The following CCDC146 variants were observed in gnomAD, a reference collection of about 807,000 sequenced individuals.
The protein encoded by CCDC146 is coiled-coil domain containing 146.
In CCDC146, 92 loss-of-function variants were observed where a neutral mutation model predicts 119.3. The ratio of observed to expected loss-of-function variants is 0.77; its 90% confidence interval spans 0.65 to 0.92. The LOEUF (loss-of-function observed/expected upper bound fraction) is 0.92, where lower values mean the gene tolerates loss of function less well. Among genes scored for constraint, CCDC146 ranks in the 40% least tolerant of loss-of-function variants. The probability of loss-of-function intolerance (pLI) is 0.00; values close to 1 mark genes in which losing one functional copy is unlikely to be tolerated. For synonymous variants in CCDC146, 372 were observed against 371.8 expected, an observed-to-expected ratio of 1.00 and a Z score of -0.01; for missense variants, 1,000 against 1,103.0, an observed-to-expected ratio of 0.91 and a Z score of 1.32.
chr7:77,134,075 C>T (rs1790826543), intron 1 of CCDC146, among the ~76,000 whole-genome samples: 1 of 152,100 alleles, frequency 6.6e-6, no homozygotes, highest in Admixed American at 6.5e-5. Flanking sequence ...AGTTGGCGCT[C>T]TTTACTGGGG....
intron 2 of CCDC146, among the ~76,000 whole-genome samples, chr7:77,187,366 A>G (rs945766614): frequency 2.0e-5 from 3 of 152,212 alleles, no homozygotes; most frequent in Non-Finnish European, 4.4e-5. Context: ...ATTATGTCAC[A>G]TTTAGCACAA....
intron 1 of CCDC146, among the ~76,000 whole-genome samples, chr7:77,164,420 C>T (rs1791311778): frequency 6.6e-6 from 1 of 151,980 alleles, no homozygotes; most frequent in Non-Finnish European, 1.5e-5. Context: ...AAAAAAAACA[C>T]TTTAGGGCAT....
intron 11 of CCDC146, among the ~76,000 whole-genome samples, chr7:77,275,054 A>G (rs1395228592): frequency 8.7e-6 from 1 of 115,562 alleles, no homozygotes; most frequent in Non-Finnish European, 1.7e-5. Flanking sequence ...TAAAAAAAGA[A>G]CTGGAAGGAA....
chr7:77,227,007 A>C (rs1252746533), intron 2 of CCDC146, among the ~76,000 whole-genome samples: 1 of 152,172 alleles, frequency 6.6e-6, no homozygotes, highest in Non-Finnish European at 1.5e-5. Context: ...TCCACAGTTT[A>C]GTTTTTTTAA....
intron 18 of CCDC146, 114 bp downstream of exon 18, chr7:77,293,314 T>A: frequency 9.2e-7 from 1 of 1,084,372 alleles, no homozygotes; most frequent in Non-Finnish European, 1.3e-6. Flanking sequence ...CCACACACAG[T>A]CCCAACAGTC....
chr7:77,157,697 C>T (rs1791197661), intron 1 of CCDC146, among the ~76,000 whole-genome samples: 1 of 152,216 alleles, frequency 6.6e-6, no homozygotes, highest in Admixed American at 6.5e-5. Context: ...TGCCTTGCCT[C>T]CTTCCAGTGG....
At chr7:77,189,198 AC>A (rs1791719659) in intron 2 of CCDC146, among the ~76,000 whole-genome samples, 1 of 151,980 alleles carries the variant, frequency 6.6e-6, no homozygotes, top group Non-Finnish European at 1.5e-5. Flanking sequence ...CACTCCTCAC[AC>A]ACTTTGCAGA....
chr7:77,125,170 G>A (rs1237557977), intron 1 of CCDC146, among the ~76,000 whole-genome samples: 1 of 151,726 alleles, frequency 6.6e-6, no homozygotes, highest in Non-Finnish European at 1.5e-5. Context: ...CTCCAGCCTG[G>A]GCGGCAAGAG....
At chr7:77,183,344 C>T (rs565120929) in intron 2 of CCDC146, among the ~76,000 whole-genome samples, 12 of 152,134 alleles carry the variant, frequency 7.9e-5, no homozygotes, top group African/African-American at 2.7e-4. Context: ...TAGGTGCAGA[C>T]ACAGAACTGA....
chr7:77,156,449 C>T (rs1791180377), intron 1 of CCDC146, among the ~76,000 whole-genome samples: 1 of 106,566 alleles, frequency 9.4e-6, no homozygotes, highest in African/African-American at 4.0e-5. Flanking sequence ...CTTTATCATT[C>T]CTTTTAGGAA....
rs543950170 is a variant in CCDC146, at chr7:77,280,456, C to T, written c.1722C>T (p.His574=). The change falls in exon 14 of 19, where the codon CAC becomes CAT. Residue 574 remains histidine, a synonymous_variant. Coordinates refer to ENST00000285871, the MANE Select transcript of CCDC146 (RefSeq NM_020879.3). ...AGCTACAAAATTCCATGCTGAAACA[C>T]GCCAACAATGTTACCATCAGAGAGA... ...ERKLQNSMLK[H]ANNVTIRESM... 19 of 1,613,158 alleles carry T rather than the reference C, an allele frequency of 1.2e-5. No individual in the cohort carries two copies. Among genetic ancestry groups the T allele is most frequent in the South Asian group, 4.4e-5 (4 of 90,732 alleles).
At chr7:77,138,290 C>CAAAAAAA (rs59868618) in intron 1 of CCDC146, among the ~76,000 whole-genome samples, 2 of 121,898 alleles carry the variant, frequency 1.6e-5, no homozygotes, top group Non-Finnish European at 3.5e-5. Flanking sequence ...GGGGCAGTTG[C>CAAAAAAA]AAAAAAAAAA....
At chr7:77,222,863 G>A (rs540870934) in intron 2 of CCDC146, among the ~76,000 whole-genome samples, 9 of 152,282 alleles carry the variant, frequency 5.9e-5, no homozygotes, top group Middle Eastern at 3.4e-3. Context: ...TGATTAGTCC[G>A]TCACATCCTG....
At chr7:77,125,919 G>T (rs1198654629) in intron 1 of CCDC146, among the ~76,000 whole-genome samples, 1 of 152,086 alleles carries the variant, frequency 6.6e-6, no homozygotes, top group Non-Finnish European at 1.5e-5. Flanking sequence ...ATGTGAAACT[G>T]CAAATAGACA....
chr7:77,294,828 C>T lies in CCDC146; in HGVS notation c.2830C>T (p.His944Tyr), dbSNP rs1458937190. Reference protein sequence around the residue: ...KPSEPGANMRHIRKPVIKPVE... With the variant: ...KPSEPGANMRYIRKPVIKPVE... ...CAGTGAACCTGGAGCCAATATGAGG[C>T]ACATAAGGAAACCTGTTATAAAGCC... is the stretch of plus-strand genomic sequence containing the variant. Residue 944 changes from histidine to tyrosine, a missense_variant, in exon 19 of 19, where the codon CAC becomes TAC. Physicochemically the swap from His to Tyr is moderately conservative, Grantham distance 83 (BLOSUM62 2). Transcript: ENST00000285871. 1.9e-6 allele frequency: 3 copies of T among 1,613,948 alleles called. No homozygotes were observed. In the African/African-American group the frequency reaches 4.0e-5, roughly 22 times the overall value.
intron 2 of CCDC146, among the ~76,000 whole-genome samples, chr7:77,234,712 G>T (rs558616824): frequency 3.3e-5 from 5 of 152,112 alleles, no homozygotes; most frequent in Admixed American, 6.5e-5. Context: ...TCCAGCCTGG[G>T]CAACAGAGCG....
intron 1 of CCDC146, among the ~76,000 whole-genome samples, chr7:77,160,249 T>C (rs377264529): frequency 1.4e-4 from 22 of 152,164 alleles, no homozygotes; most frequent in Admixed American, 9.8e-4. Flanking sequence ...CTTGGCGATG[T>C]GGGCTCTTTT....
At chr7:77,221,383 T>C (rs1792400371) in intron 2 of CCDC146, among the ~76,000 whole-genome samples, 2 of 152,228 alleles carry the variant, frequency 1.3e-5, no homozygotes, top group Admixed American at 6.5e-5. Context: ...AGTCAACCAG[T>C]CCATATGACC....
intron 2 of CCDC146, among the ~76,000 whole-genome samples, chr7:77,236,347 T>A (rs931117514): frequency 1.3e-5 from 2 of 152,188 alleles, no homozygotes; most frequent in South Asian, 4.1e-4. Context: ...TGGAAAACTT[T>A]CCATGCTTCT....
Sources: allele counts gnomAD v4.1 joint callset (sites outside exome capture counted in the v4.1 genomes callset), GRCh38; gene constraint gnomAD v4.1.1; transcripts MANE v1.5; gene names NCBI Gene and HGNC (gene_info 2026-07-23, HGNC 2026-07-21).